Variants in NAALADL2 observed in about 807,000 individuals in gnomAD.
NAALADL2 encodes the protein inactive N-acetylated-alpha-linked acidic dipeptidase-like protein 2.
Under a neutral mutation model 87.2 loss-of-function variants are expected in NAALADL2, and 76 were observed. That is an observed-to-expected ratio of 0.87 (90% CI 0.72 to 1.05). NAALADL2 has a LOEUF of 1.05. Ranked by LOEUF, NAALADL2 falls within the 50% of genes least tolerant of loss-of-function variation. The pLI is 0.00. For synonymous variants in NAALADL2, 354 were observed against 331.0 expected, an observed-to-expected ratio of 1.07 and a Z score of -0.75; for missense variants, 1,089 against 945.8, an observed-to-expected ratio of 1.15 and a Z score of -1.99.
intron 2 of NAALADL2, among the ~76,000 whole-genome samples, chr3:174,642,374 G>T (rs1723286952): frequency 6.6e-6 from 1 of 151,776 alleles, no homozygotes; most frequent in African/African-American, 2.4e-5. Flanking sequence ...GGTGGTACAT[G>T]CCTGTAATCC....
chr3:174,634,754 C>T (rs1722464950), intron 2 of NAALADL2, among the ~76,000 whole-genome samples: 1 of 152,066 alleles, frequency 6.6e-6, no homozygotes. Context: ...GATAGATACA[C>T]AATAGATGTG....
intron 3 of NAALADL2, among the ~76,000 whole-genome samples, chr3:175,249,051 A>G (rs1748527786): frequency 6.6e-6 from 1 of 152,128 alleles, no homozygotes; most frequent in South Asian, 2.1e-4. Flanking sequence ...TTTAGGGAGT[A>G]CAACTGAATA....
At chr3:175,149,208 T>C (rs1370351767) in intron 2 of NAALADL2, among the ~76,000 whole-genome samples, 1 of 152,164 alleles carries the variant, frequency 6.6e-6, no homozygotes, top group African/African-American at 2.4e-5. Flanking sequence ...GTGCCTATTA[T>C]AAATTGGATA....
rs139356199 is a variant in NAALADL2 at position 175,397,074 on chromosome 3, G to A, written c.1091-50155G>A. On this transcript the variant is annotated intron_variant, in intron 5 of 13. Transcript: ENST00000454872. ...TGCCTTGATACTTAGTGGCATTTTC[G>A]TATTATGGAGTCATTAACAGTGTGA... 9.2e-5 allele frequency among the ~76,000 whole-genome samples: 14 copies of A among 151,906 alleles called. No individual in the cohort carries two copies. The South Asian group carries it at 2.5e-3, about 27-fold the overall frequency.
chr3:174,600,175 G>T (rs1400790433), intron 2 of NAALADL2, among the ~76,000 whole-genome samples: 1 of 151,986 alleles, frequency 6.6e-6, no homozygotes, highest in Admixed American at 6.6e-5. Context: ...AAACAAGAAA[G>T]TTTCAGTGTG....
chr3:174,934,031 A>T (rs1211283412), intron 1 of NAALADL2, among the ~76,000 whole-genome samples: 3 of 152,184 alleles, frequency 2.0e-5, no homozygotes, highest in Admixed American at 6.5e-5. Flanking sequence ...ATGAAATAGG[A>T]ATTCAGACAT....
intron 4 of NAALADL2, among the ~76,000 whole-genome samples, chr3:175,322,091 TA>T (rs1560355720): frequency 6.7e-6 from 1 of 150,324 alleles, no homozygotes; most frequent in Non-Finnish European, 1.5e-5. Context: ...CAAACTATAC[TA>T]CAAGGCTACA....
At chr3:174,529,525 G>C (rs996916321) in intron 1 of NAALADL2, among the ~76,000 whole-genome samples, 1 of 152,208 alleles carries the variant, frequency 6.6e-6, no homozygotes, top group African/African-American at 2.4e-5. Context: ...TCTGTGTGGG[G>C]GTTCTGACCG....
chr3:174,729,921 T>C (rs1009000431), intron 2 of NAALADL2, among the ~76,000 whole-genome samples: 2 of 152,176 alleles, frequency 1.3e-5, no homozygotes, highest in Middle Eastern at 3.4e-3. Flanking sequence ...CCCACTAGTA[T>C]TGAATAATTC....
chr3:175,308,180 T>TG lies in NAALADL2; in HGVS notation c.940-15993dup, dbSNP rs1757941926. On this transcript the variant is annotated intron_variant, in intron 4 of 13. Coordinates refer to ENST00000454872, the MANE Select transcript of NAALADL2 (RefSeq NM_207015.3). ...TAATTTCCATTGTGATAAACCCACA[T>TG]GGAAAGAAGCTGTGAACCGTAAGAT... Among the ~76,000 whole-genome samples the TG allele has an allele frequency of 3.3e-5, 5 of 152,348 alleles. No homozygotes were observed. The South Asian group carries it at 1.0e-3, about 32-fold the overall frequency.
intron 3 of NAALADL2, among the ~76,000 whole-genome samples, chr3:174,753,773 T>A (rs1448422946): frequency 6.6e-6 from 1 of 152,116 alleles, no homozygotes; most frequent in Non-Finnish European, 1.5e-5. Context: ...CCCTTCCAAA[T>A]TCATATGTTG....
At chr3:175,570,835 G>A (rs1453881319) in intron 9 of NAALADL2, among the ~76,000 whole-genome samples, 3 of 147,910 alleles carry the variant, frequency 2.0e-5, no homozygotes, top group Admixed American at 6.8e-5. Flanking sequence ...AGCCAATATC[G>A]TGCCACTGCA....
intron 5 of NAALADL2, among the ~76,000 whole-genome samples, chr3:175,430,823 G>A (rs1717625680): frequency 6.6e-6 from 1 of 151,980 alleles, no homozygotes; most frequent in East Asian, 1.9e-4. Flanking sequence ...ATAATGCTAT[G>A]TCATTAGTTT....
At chr3:174,625,317 C>T (rs9864568) in intron 2 of NAALADL2, among the ~76,000 whole-genome samples, 23,349 of 151,858 alleles carry the variant, frequency 0.15, 2,060 homozygotes, top group African/African-American at 0.23. Context: ...CTCAGCCTCC[C>T]AAAGTGTTAG....
intron 2 of NAALADL2, among the ~76,000 whole-genome samples, chr3:174,611,774 T>G (rs1277138469): frequency 1.3e-5 from 2 of 151,874 alleles, no homozygotes; most frequent in African/African-American, 4.8e-5. Context: ...TATTTTTTTT[T>G]TTAGTAGAGA....
At chr3:174,545,771 C>T (rs971446061) in intron 1 of NAALADL2, among the ~76,000 whole-genome samples, 14 of 151,850 alleles carry the variant, frequency 9.2e-5, no homozygotes, top group African/African-American at 2.9e-4. Flanking sequence ...CTCTGATATT[C>T]TCTCTATATC....
intron 2 of NAALADL2, among the ~76,000 whole-genome samples, chr3:175,133,473 AC>A (rs1728551893): frequency 2.0e-5 from 3 of 152,206 alleles, no homozygotes; most frequent in African/African-American, 7.2e-5. Context: ...CAATCCCGGC[AC>A]CTTGGGATGC....
intron 2 of NAALADL2, among the ~76,000 whole-genome samples, chr3:174,606,618 G>GA (rs1719096104): frequency 6.6e-6 from 1 of 152,034 alleles, no homozygotes; most frequent in Non-Finnish European, 1.5e-5. Flanking sequence ...GAAGTTTAGA[G>GA]AAAAAAGAAT....
chr3:174,495,467 C>T (rs1718473136), intron 1 of NAALADL2, among the ~76,000 whole-genome samples: 1 of 152,176 alleles, frequency 6.6e-6, no homozygotes, highest in South Asian at 2.1e-4. Context: ...TATTCCCAAA[C>T]CTTTTTATGT....
Sources: allele counts gnomAD v4.1 joint callset (sites outside exome capture counted in the v4.1 genomes callset), GRCh38; gene constraint gnomAD v4.1.1; transcripts MANE v1.5; gene names NCBI Gene and HGNC (gene_info 2026-07-23, HGNC 2026-07-21).